Variants in ZFHX3 observed in about 807,000 individuals in gnomAD.
The protein encoded by ZFHX3 is zinc finger homeobox 3, also known as zinc finger homeobox protein 3.
A neutral mutation model predicts 279.1 loss-of-function variants in ZFHX3; 42 were observed. That is an observed-to-expected ratio of 0.15 (90% CI 0.12 to 0.19). The LOEUF (loss-of-function observed/expected upper bound fraction) is 0.19, where lower values mean the gene tolerates loss of function less well. ZFHX3 is among the 10% of genes least tolerant of loss of function. The pLI is 1.00. For missense variants in ZFHX3, 4,981 were observed against 4,754.0 expected (o/e 1.05, Z -1.40); for synonymous variants, 2,293 against 1,957.8 (o/e 1.17, Z -4.52).
intron 1 of ZFHX3, among the ~76,000 whole-genome samples, chr16:73,881,188 C>T (rs760308126): frequency 6.6e-6 from 1 of 152,096 alleles, no homozygotes; most frequent in South Asian, 2.1e-4. Flanking sequence ...TTTAAAGAAA[C>T]TCAGCTTGTG....
At chr16:73,245,232 T>G (rs932673815) in intron 5 of ZFHX3, among the ~76,000 whole-genome samples, 11 of 152,228 alleles carry the variant, frequency 7.2e-5, no homozygotes, top group Non-Finnish European at 1.5e-4. Context: ...GGAAAGGAAC[T>G]ATATTTTATT....
At chr16:73,718,933 A>C (rs919239275) in intron 1 of ZFHX3, among the ~76,000 whole-genome samples, 2 of 152,152 alleles carry the variant, frequency 1.3e-5, no homozygotes, top group Non-Finnish European at 2.9e-5. Flanking sequence ...TTTAAAAACA[A>C]AAACCAGCCC....
At chr16:73,208,315 A>G (rs528123330) in intron 5 of ZFHX3, among the ~76,000 whole-genome samples, 10 of 152,344 alleles carry the variant, frequency 6.6e-5, no homozygotes, top group Middle Eastern at 6.8e-3. Context: ...GACACAATAC[A>G]TGTTTCTCAT....
At chr16:72,798,863 G>A (rs942295892) in intron 8 of ZFHX3, 149 bp from the exon 9 acceptor site, 13 of 1,371,052 alleles carry the variant, frequency 9.5e-6, no homozygotes, top group Non-Finnish European at 1.1e-5. Context: ...AATCTCTGCG[G>A]AGCGCCTCCT....
At chr16:73,302,228 C>G (rs2015073118) in intron 4 of ZFHX3, among the ~76,000 whole-genome samples, 1 of 151,944 alleles carries the variant, frequency 6.6e-6, no homozygotes, top group South Asian at 2.1e-4. Context: ...TCCTTTGTAT[C>G]TTTTTCCCTT....
At chr16:73,108,500 C>T (rs190614394) in intron 7 of ZFHX3, among the ~76,000 whole-genome samples, 2 of 152,186 alleles carry the variant, frequency 1.3e-5, no homozygotes, top group East Asian at 3.9e-4. Context: ...AACTCCTAGG[C>T]TCAAGTGATC....
Position 73,801,853 on chromosome 16 carries a change from T to C in ZFHX3, c.-1608+89798A>G, listed in dbSNP as rs551531567. Among the ~76,000 whole-genome samples the C allele has an allele frequency of 1.4e-3, 210 of 152,316 alleles. 1 individual carries two copies. Among genetic ancestry groups the C allele is most frequent in the East Asian group, 1.9e-3 (10 of 5,182 alleles). On this transcript the variant is annotated intron_variant, in intron 1 of 17. Transcript: ENST00000641206. ...CAACATGCTCTGCAACTTGGGCGTG[T>C]TCATTTTACTTTCTCTGCCTCAGTT...
chr16:73,509,566 C>T lies in ZFHX3; in HGVS notation c.-1546-53308G>A, dbSNP rs374829914. Among the ~76,000 whole-genome samples, 280 of 146,352 alleles carry T rather than the reference C, an allele frequency of 1.9e-3. 1 individual carries two copies. The highest frequency in any genetic ancestry group is 6.7e-3 in the African/African-American group (261 of 38,966). ...TTTTGAGACAATTTCACTCTGTCACCGAGGCTGGAGTGCAGTGGCACAATC... is the reference window on the plus strand; with the variant it reads ...TTTTGAGACAATTTCACTCTGTCACTGAGGCTGGAGTGCAGTGGCACAATC... On this transcript the variant is annotated intron_variant, in intron 2 of 17. Coordinates refer to the ZFHX3 transcript ENST00000641206.
intron 1 of ZFHX3, among the ~76,000 whole-genome samples, chr16:73,800,516 C>A (rs1960114999): frequency 6.6e-6 from 1 of 152,158 alleles, no homozygotes; most frequent in African/African-American, 2.4e-5. Flanking sequence ...CGTGCTGGGC[C>A]TACTATTGTT....
intron 5 of ZFHX3, among the ~76,000 whole-genome samples, chr16:73,231,483 C>A (rs918443617): frequency 6.6e-6 from 1 of 152,202 alleles, no homozygotes; most frequent in Non-Finnish European, 1.5e-5. Context: ...TGAGAGGGAA[C>A]GCTCTATCTG....
At position 73,022,442 on chromosome 16, in the gene ZFHX3, T is replaced by C. The variant is rs147426651; in HGVS notation, c.-50+25310A>G. 2.6e-5 allele frequency among the ~76,000 whole-genome samples: 4 copies of C among 152,200 alleles called. No individual in the cohort carries two copies. In the East Asian group the frequency reaches 7.8e-4, roughly 30 times the overall value. ...GCCGGGAGTTTGAGGGCAGCACCAC[T>C]GATATTCAGGCTGTGTCATTCTTCG... On this transcript the variant is annotated intron_variant, in intron 1 of 9. Transcript: ENST00000268489.
intron 3 of ZFHX3, chr16:73,387,371 G>A (rs1421579353): frequency 1.3e-5 from 2 of 152,046 alleles, no homozygotes; most frequent in Non-Finnish European, 2.9e-5. Context: ...AACAAATAAT[G>A]TTCTGCTTGA....
At chr16:73,675,196 C>G (rs1380238256) in intron 2 of ZFHX3, among the ~76,000 whole-genome samples, 1 of 152,004 alleles carries the variant, frequency 6.6e-6, no homozygotes, top group Non-Finnish European at 1.5e-5. Context: ...TCCTGGTTCT[C>G]AAGCAAAGAC....
At chr16:73,775,427 T>A (rs2142296870) in intron 1 of ZFHX3, among the ~76,000 whole-genome samples, 1 of 152,302 alleles carries the variant, frequency 6.6e-6, no homozygotes, top group South Asian at 2.1e-4. Flanking sequence ...ACTATGGGTT[T>A]AAATCTATCC....
Position 72,793,363 on chromosome 16 carries a change from G to T in ZFHX3, c.9319C>A (p.Gln3107Lys), listed in dbSNP as rs2035780014. The change falls in exon 9 of 10, where the codon CAG becomes AAG. Residue 3107 changes from glutamine to lysine, a missense_variant. Around this residue, in one of 7 missense-constraint regions of ZFHX3, gnomAD observed 1,034 missense variants for 786.0 expected, o/e 1.32. Transcript: ENST00000268489. This position sits in a 1 kb window ranked among gnomAD's most constrained non-coding sequence, Gnocchi z 4.3. ...QQGMFDNTPL[Q>K]ALNLPTAYPA... ...TATGCTGTAGGAAGGTTAAGGGCCT[G>T]AAGAGGGGTGTTGTCAAACATCCCT... 6.2e-7 allele frequency: 1 copy of T among 1,614,084 alleles called. No homozygotes were observed. The highest frequency in any genetic ancestry group is 8.5e-7 in the Non-Finnish European group (1 of 1,180,048).
chr16:73,592,047 C>T (rs2052005199), intron 2 of ZFHX3, among the ~76,000 whole-genome samples: 3 of 150,208 alleles, frequency 2.0e-5, no homozygotes, highest in African/African-American at 4.9e-5. Flanking sequence ...GCCTGGCCAA[C>T]ATGGTGAAAC....
chr16:73,849,495 A>T (rs1188198932), intron 1 of ZFHX3, among the ~76,000 whole-genome samples: 1 of 152,232 alleles, frequency 6.6e-6, no homozygotes, highest in East Asian at 1.9e-4. Context: ...TTAAAAAAGG[A>T]TAACAGGGCC....
At chr16:72,890,117 G>C (rs781159573) in intron 3 of ZFHX3, among the ~76,000 whole-genome samples, 155 bp from the exon 4 acceptor site, 1 of 152,184 alleles carries the variant, frequency 6.6e-6, no homozygotes, top group Non-Finnish European at 1.5e-5. Context: ...GTTTGGCTGT[G>C]TCCCCGCCCA....
At chr16:73,037,292 G>A (rs1000623931) in intron 1 of ZFHX3, among the ~76,000 whole-genome samples, 13 of 152,330 alleles carry the variant, frequency 8.5e-5, no homozygotes, top group African/African-American at 2.9e-4. Flanking sequence ...CATGGTTACT[G>A]TAAAATTCTG....
Sources: allele counts gnomAD v4.1 joint callset (sites outside exome capture counted in the v4.1 genomes callset), GRCh38; gene constraint gnomAD v4.1.1; regional missense constraint gnomAD v4.1.1; non-coding constraint Gnocchi (gnomAD v3.1); transcripts MANE v1.5; gene names NCBI Gene and HGNC (gene_info 2026-07-23, HGNC 2026-07-21).